SLC6A6: variants seen among roughly 807,000 people sequenced by gnomAD.
SLC6A6 encodes the protein solute carrier family 6 member 6, also known as sodium- and chloride-dependent taurine transporter.
SLC6A6 carries 16 observed loss-of-function variants against 68.8 expected under a neutral mutation model. The ratio of observed to expected loss-of-function variants is 0.23; its 90% CI spans 0.16 to 0.35. The LOEUF is 0.35. Ranked by LOEUF, SLC6A6 falls within the 10% of genes least tolerant of loss-of-function variation. SLC6A6 has a pLI of 1.00. For synonymous variants in SLC6A6, 312 were observed against 315.4 expected, an observed-to-expected ratio of 0.99 and a Z score of 0.12; for missense variants, 474 against 802.8, an observed-to-expected ratio of 0.59 and a Z score of 4.95.
At chr3:14,459,964 C>G (rs2124970059) in intron 6 of SLC6A6, among the ~76,000 whole-genome samples, 1 of 140,340 alleles carries the variant, frequency 7.1e-6, no homozygotes, top group East Asian at 2.2e-4. Context: ...GTGGCTTGAT[C>G]TCAGCTCACT....
At position 14,468,804 on chromosome 3, in the gene SLC6A6, G is replaced by A. The variant is rs1700686631; in HGVS notation, c.1096+592G>A. 6.6e-6 allele frequency among the ~76,000 whole-genome samples: 1 copy of A among 152,170 alleles called. No homozygotes were observed. The highest frequency in any genetic ancestry group is 6.5e-5 in the Admixed American group (1 of 15,276). ...CAACTGGGGGTGGGTTGTAAGCACA[G>A]TGTCGCCCCTCGGGGTGTGGGCCCT... On this transcript the variant is annotated intron_variant, in intron 9 of 14. Coordinates refer to ENST00000622186, the MANE Select transcript of SLC6A6 (RefSeq NM_003043.6). This position sits in a 1 kb window ranked among gnomAD's most constrained non-coding sequence, Gnocchi z 4.5.
At chr3:14,416,748 G>C (rs1699370741) in intron 2 of SLC6A6, among the ~76,000 whole-genome samples, 1 of 152,296 alleles carries the variant, frequency 6.6e-6, no homozygotes, top group South Asian at 2.1e-4. Context: ...TCCTGGCTCT[G>C]CTGCAGAGTA....
chr3:14,424,229 T>C (rs1473496035), intron 2 of SLC6A6, among the ~76,000 whole-genome samples: 1 of 151,724 alleles, frequency 6.6e-6, no homozygotes, highest in African/African-American at 2.4e-5. Flanking sequence ...AGGCCCCAGC[T>C]GGGGCTAGGG....
rs886698678 is a variant in SLC6A6, at chr3:14,472,570, T to C, written c.1209+253T>C. On this transcript the variant is annotated intron_variant, in intron 10 of 14. Coordinates refer to ENST00000622186, the MANE Select transcript of SLC6A6 (RefSeq NM_003043.6). This position sits in a 1 kb window ranked among gnomAD's most constrained non-coding sequence, Gnocchi z 4.5. ...AGACGTGGCATGGCACATTATCTGC[T>C]AGCAGAGGGGCATCCAGAGGTTCTC... is the stretch of plus-strand genomic sequence containing the variant. Among the ~76,000 whole-genome samples the C allele has an allele frequency of 9.2e-5, 14 of 152,180 alleles. No homozygotes were observed. Among genetic ancestry groups the C allele is most frequent in the African/African-American group, 3.1e-4 (13 of 41,450 alleles).
Position 14,450,241 on chromosome 3 carries a change from G to A in SLC6A6, c.599+2425G>A, listed in dbSNP as rs1700224650. On this transcript the variant is annotated intron_variant, in intron 5 of 14. Transcript: ENST00000622186. The surrounding 1 kb of genome is among the most constrained non-coding windows in gnomAD (Gnocchi z 4.1). ...AGGGAACACTTGGGAGCAATGTGAG[G>A]TCCTCAGGTTGGCCAGTCCTCACTC... Among the ~76,000 whole-genome samples the A allele has an allele frequency of 6.6e-6, 1 of 152,046 alleles. No homozygotes were observed. The highest frequency in any genetic ancestry group is 1.5e-5 in the Non-Finnish European group (1 of 68,004).
chr3:14,421,015 T>C lies in SLC6A6; in HGVS notation c.-12+4562T>C, dbSNP rs1277725118. 2.0e-5 allele frequency among the ~76,000 whole-genome samples: 3 copies of C among 152,220 alleles called. No individual in the cohort carries two copies. In the East Asian group the frequency reaches 5.8e-4, roughly 29 times the overall value. On this transcript the variant is annotated intron_variant, in intron 2 of 14. Transcript: ENST00000622186. ...TCGAATGGGGTGCACGTGTTTGAGATGCTGCATACGTGTTGATGAATCATT... is the reference window on the plus strand; with the variant it reads ...TCGAATGGGGTGCACGTGTTTGAGACGCTGCATACGTGTTGATGAATCATT...
intron 2 of SLC6A6, among the ~76,000 whole-genome samples, chr3:14,441,576 C>T (rs1039327396): frequency 2.6e-5 from 4 of 152,198 alleles, no homozygotes; most frequent in South Asian, 2.1e-4. Context: ...TCCCCCACCC[C>T]GAGCCAGGGA....
chr3:14,474,607 G>A (rs749411423), intron 10 of SLC6A6, among the ~76,000 whole-genome samples: 16 of 152,104 alleles, frequency 1.1e-4, no homozygotes, highest in Admixed American at 2.0e-4. Flanking sequence ...GCAATGCCTG[G>A]GTACTATTTT....
At chr3:14,458,481 A>C (rs932862339) in intron 6 of SLC6A6, among the ~76,000 whole-genome samples, 1 of 152,228 alleles carries the variant, frequency 6.6e-6, no homozygotes. Context: ...TGGTAACAGG[A>C]GGTTAGCCAG....
chr3:14,453,974 G>A (rs1197889444), intron 5 of SLC6A6, among the ~76,000 whole-genome samples: 1 of 152,210 alleles, frequency 6.6e-6, no homozygotes, highest in Admixed American at 6.5e-5. Flanking sequence ...TGGGGGATGA[G>A]GGTAGGGCTT....
In SLC6A6 at chr3:14,447,859, G is replaced by A. The variant is rs756603633; in HGVS notation, c.599+43G>A. 11 of 1,608,662 alleles carry A rather than the reference G, an allele frequency of 6.8e-6. No homozygotes were observed. In the Admixed American group the frequency reaches 1.9e-4, roughly 27 times the overall value. Reference sequence around the variant, plus strand: ...AAGCAAGGAGGAGGACATGGGTGGGGCAGAGAGGATGGCCCACTTCCTTAT... The same window carrying A: ...AAGCAAGGAGGAGGACATGGGTGGGACAGAGAGGATGGCCCACTTCCTTAT... On this transcript the variant is annotated intron_variant, in intron 5 of 14. Coordinates refer to ENST00000622186, the MANE Select transcript of SLC6A6 (RefSeq NM_003043.6).
intron 1 of SLC6A6, among the ~76,000 whole-genome samples, chr3:14,413,322 C>T (rs1032709451): frequency 6.6e-6 from 1 of 152,226 alleles, no homozygotes; most frequent in East Asian, 1.9e-4. Context: ...CTGGGACCTG[C>T]TGCTTCCGTT....
Position 14,443,787 on chromosome 3 carries a change from G to T in SLC6A6, c.153G>T (p.Val51=), listed in dbSNP as rs1267358546. ...AGTGGTCTAGCAAGATCGACTTTGTGCTCTCTGTGGCTGGCGGCTTCGTGG... is the reference window on the plus strand; with the variant it reads ...AGTGGTCTAGCAAGATCGACTTTGTTCTCTCTGTGGCTGGCGGCTTCGTGG... The part of the protein sequence containing the change: ...REKWSSKIDF[V]LSVAGGFVGL... Residue 51 remains valine, a synonymous_variant, in exon 3 of 15, where the codon GTG becomes GTT. Transcript: ENST00000622186. The T allele has an allele frequency of 1.2e-6, 2 of 1,614,090 alleles. No homozygotes were observed. Among genetic ancestry groups the T allele is most frequent in the Non-Finnish European group, 1.7e-6 (2 of 1,180,036 alleles).
At chr3:14,415,842 A>G (rs926441801) in intron 1 of SLC6A6, among the ~76,000 whole-genome samples, 4 of 152,140 alleles carry the variant, frequency 2.6e-5, no homozygotes, top group Non-Finnish European at 5.9e-5. Flanking sequence ...ACATCCCCCA[A>G]GGATCTTCTC....
At chr3:14,480,467 C>T (rs1700981191) in intron 13 of SLC6A6, among the ~76,000 whole-genome samples, 1 of 96,818 alleles carries the variant, frequency 1.0e-5, no homozygotes, top group Non-Finnish European at 1.8e-5. Context: ...GGGAAACAGG[C>T]AGGCACTGGC....
At position 14,486,252 on chromosome 3, in the gene SLC6A6, C is replaced by G. The variant is rs1374970552; in HGVS notation, c.*1245C>G. The G allele has an allele frequency of 6.6e-6, 1 of 152,652 alleles. No homozygotes were observed. Among genetic ancestry groups the G allele is most frequent in the Non-Finnish European group, 1.5e-5 (1 of 68,052 alleles). The allele number at this position is 152,652 out of a possible 1,614,324, so 9.5% of individuals were successfully genotyped here. ...CCAAGCCCTCATTAAAGATGCCACC[C>G]TGGGCTGCCCTGGCACCTAGCAAGG... On this transcript the variant is annotated 3_prime_UTR_variant, in exon 15 of 15. Coordinates refer to ENST00000622186, the MANE Select transcript of SLC6A6 (RefSeq NM_003043.6).
intron 1 of SLC6A6, among the ~76,000 whole-genome samples, chr3:14,409,465 C>T (rs576929056): frequency 1.3e-5 from 2 of 152,334 alleles, no homozygotes; most frequent in East Asian, 1.9e-4. Flanking sequence ...AAATGGGTGG[C>T]CCCAGCCCAC....
intron 1 of SLC6A6, among the ~76,000 whole-genome samples, chr3:14,411,663 T>A (rs1699255106): frequency 6.6e-6 from 1 of 152,198 alleles, no homozygotes; most frequent in South Asian, 2.1e-4. Context: ...TTGCTCAACA[T>A]ACAAATCAAG....
chr3:14,474,078 G>A (rs1293704870), intron 10 of SLC6A6, among the ~76,000 whole-genome samples: 2 of 152,210 alleles, frequency 1.3e-5, no homozygotes, highest in Non-Finnish European at 2.9e-5. Flanking sequence ...GGAACTCAAG[G>A]CTCAGAGCAG....
Sources: gnomAD v4.1 joint callset for allele counts (sites outside exome capture counted in the v4.1 genomes callset) on GRCh38, gnomAD v4.1.1 for gene constraint, Gnocchi (gnomAD v3.1) non-coding constraint, MANE v1.5 for transcripts, NCBI Gene and HGNC (gene_info 2026-07-23, HGNC 2026-07-21) for gene names.